The following KYNU variants were observed in gnomAD, a reference collection of about 807,000 sequenced individuals.
KYNU encodes the protein kynureninase.
KYNU carries 54 observed loss-of-function variants against 59.2 expected under a neutral mutation model. The ratio of observed to expected loss-of-function variants is 0.91; its 90% CI spans 0.73 to 1.14. The LOEUF is 1.14. Ranked by LOEUF, KYNU falls within the 50% of genes most tolerant of loss-of-function variation. KYNU has a pLI of 0.00. For missense variants in KYNU, 567 were observed against 554.4 expected (o/e 1.02, Z -0.23); for synonymous variants, 177 against 192.0 (o/e 0.92, Z 0.65).
chr2:143,005,627 A>G (rs556324184), intron 10 of KYNU, among the ~76,000 whole-genome samples: 6 of 152,296 alleles, frequency 3.9e-5, no homozygotes, highest in Middle Eastern at 3.4e-3. Context: ...GTATAAATAT[A>G]CAAACCTTGT....
chr2:142,918,062 A>G (rs548394166), intron 2 of KYNU, among the ~76,000 whole-genome samples: 1 of 152,354 alleles, frequency 6.6e-6, no homozygotes, highest in African/African-American at 2.4e-5. Flanking sequence ...AAGTAGATGT[A>G]GAAAACAATC....
intron 11 of KYNU, among the ~76,000 whole-genome samples, chr2:143,030,822 C>T (rs11678485): frequency 0.4 from 61,106 of 151,958 alleles, 14,682 homozygotes; most frequent in Middle Eastern, 0.54. Flanking sequence ...ATTTAATACA[C>T]CTAATCTATA....
chr2:142,881,206 TG>T (rs1681285656), intron 1 of KYNU: 1 of 152,212 alleles, frequency 6.6e-6, no homozygotes, highest in African/African-American at 2.4e-5. Flanking sequence ...ATAATACTTA[TG>T]GTCAGATATT....
intron 8 of KYNU, among the ~76,000 whole-genome samples, chr2:142,962,020 G>A (rs548683816): frequency 1.3e-5 from 2 of 152,190 alleles, no homozygotes; most frequent in Admixed American, 6.5e-5. Flanking sequence ...CTGCTTTGAC[G>A]GATAACTCTG....
intron 4 of KYNU, among the ~76,000 whole-genome samples, chr2:142,929,484 T>C (rs1683144733): frequency 6.6e-6 from 1 of 152,056 alleles, no homozygotes; most frequent in South Asian, 2.1e-4. Flanking sequence ...CTGTAAAATA[T>C]TTGAAGAGTA....
At chr2:142,937,297 G>GA (rs1363524597) in intron 4 of KYNU, among the ~76,000 whole-genome samples, 20 of 149,538 alleles carry the variant, frequency 1.3e-4, no homozygotes, top group Admixed American at 2.7e-4. Context: ...TTACAATAGT[G>GA]AAAAAAAAAG....
chr2:142,899,468 A>C (rs1029590520), intron 2 of KYNU, among the ~76,000 whole-genome samples: 2 of 152,162 alleles, frequency 1.3e-5, no homozygotes, highest in Non-Finnish European at 2.9e-5. Context: ...TCAGCCTAGA[A>C]AATCCAGCTA....
chr2:142,909,623 T>G (rs146102415), intron 2 of KYNU, among the ~76,000 whole-genome samples: 1 of 152,198 alleles, frequency 6.6e-6, no homozygotes, highest in African/African-American at 2.4e-5. Context: ...TTGTTGAAAA[T>G]GACATGATTG....
chr2:143,006,705 A>G (rs1685915345), intron 10 of KYNU, among the ~76,000 whole-genome samples: 2 of 151,494 alleles, frequency 1.3e-5, no homozygotes, highest in South Asian at 4.2e-4. Context: ...GCAGCTGGAG[A>G]TCTGAGAACT....
chr2:142,894,919 C>A (rs1309805221), intron 2 of KYNU, among the ~76,000 whole-genome samples: 1 of 152,110 alleles, frequency 6.6e-6, no homozygotes, highest in African/African-American at 2.4e-5. Flanking sequence ...CCAGCCTGGG[C>A]AACATAGTGA....
chr2:143,004,300 G>C (rs1250991705), intron 10 of KYNU, among the ~76,000 whole-genome samples: 1 of 152,222 alleles, frequency 6.6e-6, no homozygotes, highest in Non-Finnish European at 1.5e-5. Flanking sequence ...CTGGTGCCCA[G>C]CTCTCTACTG....
At chr2:142,945,180 T>G (rs1683731102) in intron 4 of KYNU, among the ~76,000 whole-genome samples, 1 of 152,234 alleles carries the variant, frequency 6.6e-6, no homozygotes, top group Non-Finnish European at 1.5e-5. Context: ...TGAGTCTTCC[T>G]TTCATGGAAG....
chr2:143,003,862 C>T (rs1001733891), intron 10 of KYNU, among the ~76,000 whole-genome samples: 1 of 151,862 alleles, frequency 6.6e-6, no homozygotes, highest in African/African-American at 2.4e-5. Context: ...AACTACCTAA[C>T]AGAAAGAGTG....
intron 4 of KYNU, 98 bp downstream of exon 4, chr2:142,927,839 C>T: frequency 1.2e-6 from 1 of 851,526 alleles, no homozygotes; most frequent in South Asian, 1.4e-5. Flanking sequence ...TATTGAAGAA[C>T]ATAGTGATTT....
chr2:143,041,945 G>T, intron 13 of KYNU, 102 bp from the exon 14 acceptor site: 1 of 1,230,016 alleles, frequency 8.1e-7, no homozygotes, highest in East Asian at 2.4e-5. Context: ...TTAATTTTTA[G>T]GGAAATCATT....
intron 1 of KYNU, among the ~76,000 whole-genome samples, chr2:142,880,001 GA>G (rs917725616): frequency 9.9e-5 from 15 of 152,146 alleles, no homozygotes; most frequent in African/African-American, 3.6e-4. Flanking sequence ...AATTTCATTA[GA>G]AATGTTTGTC....
chr2:143,024,487 C>G (rs1045576921), intron 10 of KYNU, among the ~76,000 whole-genome samples: 1 of 152,012 alleles, frequency 6.6e-6, no homozygotes, highest in African/African-American at 2.4e-5. Context: ...ACCAGTAAAA[C>G]TTATACAATT....
At position 143,023,184 on chromosome 2, in the gene KYNU, A is replaced by G. The variant is rs559237506; in HGVS notation, c.903-6443A>G. Among the ~76,000 whole-genome samples, 3 of 152,038 alleles carry G rather than the reference A, an allele frequency of 2.0e-5. No individual in the cohort carries two copies. In the South Asian group the frequency reaches 6.2e-4, roughly 32 times the overall value. On this transcript the variant is annotated intron_variant, in intron 10 of 13. Transcript: ENST00000264170. ...TGGAGCTTTTAAAAATCATTCTTAT[A>G]AAGGAAATTTTACCAATTCAGTATG... is the stretch of plus-strand genomic sequence containing the variant.
chr2:142,959,578 C>A (rs1387800099), intron 7 of KYNU, among the ~76,000 whole-genome samples: 1 of 150,544 alleles, frequency 6.6e-6, no homozygotes, highest in Admixed American at 6.6e-5. Flanking sequence ...AAGAGTGAAG[C>A]TCCGTCTCAA....
Sources: allele counts gnomAD v4.1 joint callset (sites outside exome capture counted in the v4.1 genomes callset), GRCh38; gene constraint gnomAD v4.1.1; transcripts MANE v1.5; gene names NCBI Gene and HGNC (gene_info 2026-07-23, HGNC 2026-07-21).